Variants in SLC4A10 observed in about 807,000 individuals in gnomAD.
SLC4A10 encodes sodium-driven chloride bicarbonate exchanger.
Under a neutral mutation model 137.7 loss-of-function variants are expected in SLC4A10, and 42 were observed. That is an observed-to-expected ratio of 0.30 (90% CI 0.24 to 0.39). SLC4A10 has a LOEUF of 0.39. Among genes scored for constraint, SLC4A10 ranks in the 10% least tolerant of loss-of-function variants. SLC4A10 has a pLI of 1.00. For missense variants in SLC4A10, 925 were observed against 1,355.0 expected (o/e 0.68, Z 4.98); for synonymous variants, 474 against 464.1 (o/e 1.02, Z -0.27).
chr2:161,794,160 A>G (rs935294271), intron 2 of SLC4A10, among the ~76,000 whole-genome samples: 2 of 152,142 alleles, frequency 1.3e-5, no homozygotes, highest in African/African-American at 4.8e-5. Flanking sequence ...AGTGCTATTT[A>G]TCGCCAACTC....
intron 1 of SLC4A10, among the ~76,000 whole-genome samples, chr2:161,627,352 A>G (rs564534461): frequency 2.0e-5 from 3 of 152,132 alleles, no homozygotes; most frequent in Admixed American, 6.6e-5. Context: ...TAATTATGAA[A>G]ACTTTGCAGT....
chr2:161,664,684 G>A (rs1020665548), intron 1 of SLC4A10, among the ~76,000 whole-genome samples: 1 of 144,028 alleles, frequency 6.9e-6, no homozygotes, highest in African/African-American at 2.6e-5. Context: ...TTGACTTATT[G>A]TCTAAGTTTA....
At chr2:161,981,324 G>A (rs772447588) in intron 26 of SLC4A10, among the ~76,000 whole-genome samples, 1 of 152,200 alleles carries the variant, frequency 6.6e-6, no homozygotes, top group Non-Finnish European at 1.5e-5. Context: ...TATAGGATCT[G>A]TTATTCTATC....
At chr2:161,956,255 C>T (rs1332271574) in intron 19 of SLC4A10, among the ~76,000 whole-genome samples, 2 of 152,130 alleles carry the variant, frequency 1.3e-5, no homozygotes, top group Admixed American at 1.3e-4. Flanking sequence ...CATCGTTTTT[C>T]AGATAGGGAA....
At chr2:161,774,214 G>GAGTA (rs1319066759) in intron 2 of SLC4A10, among the ~76,000 whole-genome samples, 7 of 151,782 alleles carry the variant, frequency 4.6e-5, no homozygotes, top group Admixed American at 4.6e-4. Context: ...AATGTGAGAT[G>GAGTA]AGTACTATCT....
intron 24 of SLC4A10, among the ~76,000 whole-genome samples, chr2:161,975,096 T>G (rs1699179879): frequency 1.3e-5 from 2 of 152,166 alleles, no homozygotes; most frequent in Admixed American, 1.3e-4. Flanking sequence ...AGGAGAGAAT[T>G]TTCTAGATCT....
At chr2:161,926,385 GGT>G (rs1689094362) in intron 15 of SLC4A10, among the ~76,000 whole-genome samples, 3 of 27,926 alleles carry the variant, frequency 1.1e-4, no homozygotes, top group Admixed American at 5.0e-4. Context: ...GCCTTTTTTT[GGT>G]TTTTTTTTTT....
intron 1 of SLC4A10, among the ~76,000 whole-genome samples, chr2:161,649,088 G>A (rs2105560301): frequency 6.6e-6 from 1 of 152,212 alleles, no homozygotes; most frequent in African/African-American, 2.4e-5. Context: ...AAAATTGTGG[G>A]CCAGGAACAG....
chr2:161,861,201 A>G (rs1417877457), intron 5 of SLC4A10, among the ~76,000 whole-genome samples: 1 of 152,244 alleles, frequency 6.6e-6, no homozygotes, highest in East Asian at 1.9e-4. Context: ...CCTGTCAGTC[A>G]TATGAATACC....
At position 161,862,445 on chromosome 2, in the gene SLC4A10, A is replaced by G. The variant is rs373830216; in HGVS notation, c.578-429A>G. On this transcript the variant is annotated intron_variant, in intron 5 of 26. Coordinates refer to ENST00000446997, the MANE Select transcript of SLC4A10 (RefSeq NM_001178015.2). ...AAATTAAAATATAAGTATAAAACCAATTTTCAAATTCAAACACGTTATGAA... is the reference window on the plus strand; with the variant it reads ...AAATTAAAATATAAGTATAAAACCAGTTTTCAAATTCAAACACGTTATGAA... Among the ~76,000 whole-genome samples, 205 of 152,314 alleles carry G rather than the reference A, an allele frequency of 1.3e-3. 1 individual carries two copies. The highest frequency in any genetic ancestry group is 7.2e-3 in the South Asian group (35 of 4,832).
chr2:161,804,845 T>G (rs1408961954), intron 3 of SLC4A10, among the ~76,000 whole-genome samples: 1 of 152,134 alleles, frequency 6.6e-6, no homozygotes, highest in Admixed American at 6.6e-5. Flanking sequence ...GCTCAAAAAC[T>G]CTTGATAATT....
At chr2:161,643,290 A>G (rs748932495) in intron 1 of SLC4A10, among the ~76,000 whole-genome samples, 22 of 152,112 alleles carry the variant, frequency 1.4e-4, no homozygotes, top group South Asian at 1.0e-3. Context: ...AAAGGGTTTT[A>G]CTTTTTATTG....
intron 1 of SLC4A10, among the ~76,000 whole-genome samples, chr2:161,639,915 T>C (rs945760787): frequency 1.3e-5 from 2 of 152,166 alleles, no homozygotes; most frequent in African/African-American, 4.8e-5. Context: ...AGAACATAAG[T>C]GCAGTAAAAT....
chr2:161,724,330 A>G (rs578191234), intron 1 of SLC4A10, among the ~76,000 whole-genome samples: 73 of 152,274 alleles, frequency 4.8e-4, no homozygotes, highest in Non-Finnish European at 1.0e-3. Flanking sequence ...AGTTATTTTC[A>G]TGGCATAAAG....
intron 1 of SLC4A10, among the ~76,000 whole-genome samples, chr2:161,695,420 G>A (rs761009907): frequency 1.3e-5 from 2 of 151,940 alleles, no homozygotes; most frequent in Non-Finnish European, 2.9e-5. Context: ...TTGAATTTTT[G>A]CATACTGTTG....
chr2:161,857,703 A>G (rs921464683), intron 5 of SLC4A10, among the ~76,000 whole-genome samples: 1 of 152,164 alleles, frequency 6.6e-6, no homozygotes, highest in African/African-American at 2.4e-5. Context: ...TGTAATAAAT[A>G]AGCATGCTTT....
At chr2:161,710,076 T>G (rs537887336) in intron 1 of SLC4A10, among the ~76,000 whole-genome samples, 1 of 151,568 alleles carries the variant, frequency 6.6e-6, no homozygotes, top group South Asian at 2.1e-4. Flanking sequence ...AGTTAAGGGG[T>G]TTCTCCTTTT....
intron 1 of SLC4A10, among the ~76,000 whole-genome samples, chr2:161,637,206 G>A (rs140128075): frequency 1.2e-3 from 185 of 150,354 alleles, no homozygotes; most frequent in African/African-American, 4.3e-3. Context: ...GAGAGAAAGA[G>A]AGAGAGAGAG....
At chr2:161,773,317 C>T (rs1043320720) in intron 2 of SLC4A10, among the ~76,000 whole-genome samples, 4 of 151,790 alleles carry the variant, frequency 2.6e-5, no homozygotes, top group Non-Finnish European at 2.9e-5. Flanking sequence ...TCCCATTGGG[C>T]CCCACCTCAC....
Sources: allele counts gnomAD v4.1 joint callset (sites outside exome capture counted in the v4.1 genomes callset), GRCh38; gene constraint gnomAD v4.1.1; transcripts MANE v1.5; gene names NCBI Gene and HGNC (gene_info 2026-07-23, HGNC 2026-07-21).